The following JPH3 variants were observed in gnomAD, a reference collection of about 807,000 sequenced individuals.
JPH3 encodes the protein junctophilin-3.
A neutral mutation model predicts 59.6 loss-of-function variants in JPH3; 11 were observed. That is an observed-to-expected ratio of 0.18 (90% CI 0.12 to 0.31). The LOEUF is 0.31. Among genes scored for constraint, JPH3 ranks in the 10% least tolerant of loss-of-function variants. The pLI, the probability that JPH3 is intolerant of heterozygous loss-of-function variation, is 1.00. For synonymous variants in JPH3, 673 were observed against 483.6 expected (o/e 1.39, Z -5.14); for missense variants, 1,202 against 1,105.7 (o/e 1.09, Z -1.24).
intron 2 of JPH3, among the ~76,000 whole-genome samples, chr16:87,669,952 G>A (rs1003127446): frequency 3.9e-5 from 6 of 152,132 alleles, no homozygotes; most frequent in African/African-American, 9.7e-5. Flanking sequence ...GTGCCTGCCC[G>A]CCTGTGTCAG....
chr16:87,675,417 C>T (rs1044395736), intron 2 of JPH3, among the ~76,000 whole-genome samples: 1 of 152,218 alleles, frequency 6.6e-6, no homozygotes, highest in Admixed American at 6.5e-5. Context: ...CTGGGCAGGA[C>T]CTGCCCTGTG....
intron 2 of JPH3, among the ~76,000 whole-genome samples, chr16:87,662,667 G>T (rs2032743098): frequency 1.3e-5 from 2 of 152,224 alleles, no homozygotes. Flanking sequence ...GAGCCATGCG[G>T]AGAGTTTGGG....
At chr16:87,607,213 G>A (rs1161695265) in intron 1 of JPH3, among the ~76,000 whole-genome samples, 1 of 152,216 alleles carries the variant, frequency 6.6e-6, no homozygotes, top group African/African-American at 2.4e-5. Context: ...CACCATGCAT[G>A]CCGGTGCTGC....
At chr16:87,641,931 C>A (rs1106947) in intron 1 of JPH3, among the ~76,000 whole-genome samples, 28,310 of 152,042 alleles carry the variant, frequency 0.19, 3,125 homozygotes, top group East Asian at 0.38. Flanking sequence ...CCGCGGGTGC[C>A]GGGCATGGGG....
rs985543223 is a variant in JPH3 at position 87,682,080 on chromosome 16, G to T, written c.1161-2062G>T. 2.6e-5 allele frequency among the ~76,000 whole-genome samples: 4 copies of T among 152,170 alleles called. No individual in the cohort carries two copies. The East Asian group carries it at 7.7e-4, about 29-fold the overall frequency. On this transcript the variant is annotated intron_variant, in intron 2 of 4. Coordinates refer to ENST00000284262, the MANE Select transcript of JPH3 (RefSeq NM_020655.4). ...AATCGGAGCCCCCACAAGACAGGGG[G>T]TGTGCTCTCTGGGCCAGCGTTTGGA...
intron 4 of JPH3, among the ~76,000 whole-genome samples, chr16:87,691,967 C>T (rs1383473291): frequency 1.3e-5 from 2 of 152,140 alleles, no homozygotes; most frequent in African/African-American, 2.4e-5. Flanking sequence ...TTTAAATGAA[C>T]CTCCCTGGGG....
intron 1 of JPH3, among the ~76,000 whole-genome samples, chr16:87,642,718 C>A (rs144896197): frequency 6.6e-6 from 1 of 152,342 alleles, no homozygotes; most frequent in Non-Finnish European, 1.5e-5. Context: ...CGTTGGGCGT[C>A]GTGCTGAGGC....
chr16:87,692,740 G>C (rs1173698877), intron 4 of JPH3, among the ~76,000 whole-genome samples: 1 of 152,216 alleles, frequency 6.6e-6, no homozygotes, highest in Non-Finnish European at 1.5e-5. Flanking sequence ...CCCTCTTGGT[G>C]AAATGATGGA....
rs370074159 is a variant in JPH3, at chr16:87,617,400, G to T, written c.382+13872G>T. ...TTTAAAAAGCTGCTGCCAACTCTCA[G>T]GTCCAGGTTTTCCTGTGCACAGATG... On this transcript the variant is annotated intron_variant, in intron 1 of 4. Transcript: ENST00000284262. 4.8e-3 allele frequency among the ~76,000 whole-genome samples: 417 copies of T among 86,422 alleles called. 2 individuals are homozygous for T. The highest frequency in any genetic ancestry group is 0.012 in the African/African-American group (404 of 33,078). 56.7% of individuals were successfully genotyped at this position (86,422 alleles called of 152,430 possible).
chr16:87,620,745 G>T (rs190821066), intron 1 of JPH3, among the ~76,000 whole-genome samples: 1 of 152,350 alleles, frequency 6.6e-6, no homozygotes, highest in African/African-American at 2.4e-5. Context: ...GGCCAGAGAT[G>T]CGGCAAATTT....
chr16:87,606,807 G>A (rs184155940), intron 1 of JPH3, among the ~76,000 whole-genome samples: 11 of 152,282 alleles, frequency 7.2e-5, no homozygotes, highest in Admixed American at 2.6e-4. Context: ...ACAGGAGACT[G>A]GTGATCATGT....
At chr16:87,642,866 C>G (rs577451690) in intron 1 of JPH3, among the ~76,000 whole-genome samples, 2 of 152,344 alleles carry the variant, frequency 1.3e-5, no homozygotes, top group Admixed American at 6.5e-5. Context: ...GGTCTGCTGA[C>G]CGGGTTTCCT....
chr16:87,680,352 C>CTGCGCCCGGAAGGAAGCAGTG (rs1555542426), intron 2 of JPH3, among the ~76,000 whole-genome samples: 2 of 150,922 alleles, frequency 1.3e-5, no homozygotes, highest in Non-Finnish European at 3.0e-5. Flanking sequence ...TGTGGAGGGG[C>CTGCGCCCGGAAGGAAGCAGTG]TGCGCCCGGA....
intron 2 of JPH3, among the ~76,000 whole-genome samples, chr16:87,664,801 C>T (rs570010155): frequency 1.2e-4 from 19 of 152,146 alleles, no homozygotes; most frequent in African/African-American, 3.4e-4. Context: ...ATGGAGGCCC[C>T]GGGGCCTGTG....
intron 1 of JPH3, chr16:87,604,286 G>GCCT (rs776238867): frequency 1.7e-6 from 2 of 1,195,730 alleles, no homozygotes; most frequent in East Asian, 3.6e-5. Flanking sequence ...CCAGGGAGCT[G>GCCT]CCTGCTGCTG....
intron 2 of JPH3, among the ~76,000 whole-genome samples, chr16:87,668,387 C>G (rs903860004): frequency 6.6e-6 from 1 of 152,212 alleles, no homozygotes; most frequent in Non-Finnish European, 1.5e-5. Context: ...CGCAGACGCC[C>G]TTTCCAGATC....
At chr16:87,695,910 G>A (rs1009426911) in intron 4 of JPH3, 5 of 456,094 alleles carry the variant, frequency 1.1e-5, no homozygotes, top group South Asian at 6.2e-5. Flanking sequence ...CTGGCACTTG[G>A]GGCTCCGGCG....
chr16:87,670,104 G>A (rs1289936005), intron 2 of JPH3, among the ~76,000 whole-genome samples: 1 of 152,174 alleles, frequency 6.6e-6, no homozygotes, highest in Admixed American at 6.5e-5. Context: ...AGACCCCCAA[G>A]GCCCTGACGG....
intron 1 of JPH3, among the ~76,000 whole-genome samples, chr16:87,608,463 C>T (rs2030609468): frequency 6.6e-6 from 1 of 152,202 alleles, no homozygotes; most frequent in African/African-American, 2.4e-5. Context: ...CCGCTGGTAG[C>T]TTCATGGCTG....
Sources: allele counts gnomAD v4.1 joint callset (sites outside exome capture counted in the v4.1 genomes callset), GRCh38; gene constraint gnomAD v4.1.1; transcripts MANE v1.5; gene names NCBI Gene and HGNC (gene_info 2026-07-23, HGNC 2026-07-21).